Variants in COL22A1 observed in about 807,000 individuals in gnomAD.
COL22A1 encodes collagen alpha-1(XXII) chain.
Under a neutral mutation model 248.9 loss-of-function variants are expected in COL22A1, and 221 were observed. The observed-to-expected ratio is 0.89, with a 90% CI of 0.80 to 0.99. The LOEUF is 0.99. Among genes scored for constraint, COL22A1 ranks in the 50% least tolerant of loss-of-function variants. The probability of loss-of-function intolerance (pLI) is 0.00; values close to 1 mark genes in which losing one functional copy is unlikely to be tolerated. For synonymous variants in COL22A1, 891 were observed against 793.4 expected, an observed-to-expected ratio of 1.12 and a Z score of -2.07; for missense variants, 2,240 against 2,179.0, an observed-to-expected ratio of 1.03 and a Z score of -0.56.
chr8:138,786,454 G>T (rs534006129), intron 12 of COL22A1, among the ~76,000 whole-genome samples: 1 of 152,128 alleles, frequency 6.6e-6, no homozygotes, highest in Non-Finnish European at 1.5e-5. Flanking sequence ...TGAAAACTTT[G>T]CCCCAAGAGA....
chr8:138,665,375 A>G (rs944988053), intron 41 of COL22A1, among the ~76,000 whole-genome samples: 1 of 152,234 alleles, frequency 6.6e-6, no homozygotes, highest in African/African-American at 2.4e-5. Flanking sequence ...TTTTCTGTAA[A>G]GGGACAGATA....
At position 138,591,402 on chromosome 8, in the gene COL22A1, G is replaced by A. The variant is rs764361711; in HGVS notation, c.4693+22C>T. ...CCAGGGTAGCTCACACCCTACCCCTGAGACTGCAGAATGAGTCATACCTGG... is the reference window on the plus strand; with the variant it reads ...CCAGGGTAGCTCACACCCTACCCCTAAGACTGCAGAATGAGTCATACCTGG... On this transcript the variant is annotated intron_variant, in intron 64 of 64. Coordinates refer to ENST00000303045, the MANE Select transcript of COL22A1 (RefSeq NM_152888.3). 1.2e-5 allele frequency: 19 copies of A among 1,558,008 alleles called. No individual in the cohort carries two copies. In the East Asian group the frequency reaches 3.9e-4, roughly 32 times the overall value.
intron 16 of COL22A1, among the ~76,000 whole-genome samples, chr8:138,773,278 T>C (rs1834544969): frequency 6.6e-6 from 1 of 152,138 alleles, no homozygotes; most frequent in Non-Finnish European, 1.5e-5. Context: ...AGCCACCGCC[T>C]TCCCAGGCTG....
intron 4 of COL22A1, among the ~76,000 whole-genome samples, chr8:138,835,428 G>A (rs1025712909): frequency 6.6e-6 from 1 of 152,210 alleles, no homozygotes; most frequent in South Asian, 2.1e-4. Flanking sequence ...GTTTGTGGGA[G>A]GGAACAGGCA....
intron 45 of COL22A1, among the ~76,000 whole-genome samples, chr8:138,655,401 C>A (rs539082707): frequency 6.6e-6 from 1 of 152,278 alleles, no homozygotes; most frequent in African/African-American, 2.4e-5. Context: ...CTCTGTCACC[C>A]AGGCTGGAGT....
intron 1 of COL22A1, among the ~76,000 whole-genome samples, chr8:138,893,036 G>C (rs1465231747): frequency 2.0e-5 from 3 of 152,196 alleles, no homozygotes; most frequent in Non-Finnish European, 4.4e-5. Flanking sequence ...CTGCTGAGCT[G>C]TCTGTGATGC....
At chr8:138,616,158 G>C (rs1416937637) in intron 54 of COL22A1, 104 bp from the exon 55 acceptor site, 2 of 948,040 alleles carry the variant, frequency 2.1e-6, no homozygotes, top group African/African-American at 1.6e-5. Context: ...GAGGCCCAGG[G>C]GCCCTGTCAA....
chr8:138,848,725 T>C (rs556545759), intron 3 of COL22A1, among the ~76,000 whole-genome samples: 1 of 152,352 alleles, frequency 6.6e-6, no homozygotes, highest in Admixed American at 6.5e-5. Context: ...AGGTAGATTT[T>C]CTTCCCATTA....
Position 138,821,209 on chromosome 8 carries a change from T to C in COL22A1, c.1172A>G (p.Glu391Gly). Residue 391 changes from glutamate to glycine, a missense_variant, in exon 7 of 65, where the codon GAG becomes GGG. Glu to Gly is a moderately conservative substitution (Grantham distance 98). Coordinates refer to ENST00000303045, the MANE Select transcript of COL22A1 (RefSeq NM_152888.3). The stretch of plus-strand genomic sequence containing the variant: ...CTGGATGTCAATGTTCTCCCGTTCC[T>C]CGATGGGTAGTGTCTGCACCAGCGC... ...DCALVQTLPI[E>G]ERENIDIQGK... 1 of 1,614,178 alleles carries C rather than the reference T, an allele frequency of 6.2e-7. No homozygotes were observed. Among genetic ancestry groups the C allele is most frequent in the East Asian group, 2.2e-5 (1 of 44,878 alleles).
At chr8:138,746,064 T>A (rs1832081254) in intron 22 of COL22A1, among the ~76,000 whole-genome samples, 1 of 152,258 alleles carries the variant, frequency 6.6e-6, no homozygotes, top group Non-Finnish European at 1.5e-5. Context: ...GGAGCGTGCC[T>A]CGCTCTCAAT....
At chr8:138,838,389 C>T (rs1820596474) in intron 4 of COL22A1, among the ~76,000 whole-genome samples, 1 of 152,078 alleles carries the variant, frequency 6.6e-6, no homozygotes, top group Non-Finnish European at 1.5e-5. Context: ...TCTGGGCGGA[C>T]ACGTGCCTAC....
At chr8:138,660,515 T>C in intron 43 of COL22A1, 35 bp from the exon 44 acceptor site, 4 of 1,603,548 alleles carry the variant, frequency 2.5e-6, no homozygotes, top group Non-Finnish European at 3.4e-6. Context: ...TTAACTGTGA[T>C]AAGCACACGA....
chr8:138,793,987 G>A (rs894167132), intron 12 of COL22A1, among the ~76,000 whole-genome samples: 17 of 152,270 alleles, frequency 1.1e-4, no homozygotes, highest in Middle Eastern at 3.4e-3. Context: ...TCTGACCTCC[G>A]GACCCCGGAA....
intron 10 of COL22A1, among the ~76,000 whole-genome samples, chr8:138,804,475 T>C (rs1303647971): frequency 2.0e-5 from 3 of 152,170 alleles, no homozygotes; most frequent in Non-Finnish European, 4.4e-5. Context: ...TAAACAGCCC[T>C]TGCTTCACAC....
chr8:138,725,870 G>A (rs560553016), intron 23 of COL22A1, among the ~76,000 whole-genome samples: 7 of 152,036 alleles, frequency 4.6e-5, no homozygotes, highest in Admixed American at 1.3e-4. Context: ...CAGGGCTGGC[G>A]CCAGGATCAG....
At chr8:138,861,255 C>T (rs549784098) in intron 3 of COL22A1, among the ~76,000 whole-genome samples, 2 of 152,306 alleles carry the variant, frequency 1.3e-5, no homozygotes, top group South Asian at 2.1e-4. Context: ...TAGATCTCCA[C>T]TCACCGCTTC....
intron 56 of COL22A1, among the ~76,000 whole-genome samples, chr8:138,609,572 C>T (rs1286794777): frequency 3.9e-4 from 59 of 152,188 alleles, no homozygotes; most frequent in Admixed American, 3.8e-3. Context: ...TCGGCCCTTC[C>T]GCGAACGCTG....
chr8:138,695,619 C>A (rs4073002), intron 32 of COL22A1, among the ~76,000 whole-genome samples: 131,340 of 151,912 alleles, frequency 0.86, 57,092 homozygotes, highest in Non-Finnish European at 0.91. Flanking sequence ...GTGTGTCTAA[C>A]TTTTGCTGAA....
intron 55 of COL22A1, among the ~76,000 whole-genome samples, chr8:138,614,826 G>C (rs10094887): frequency 6.6e-6 from 1 of 151,974 alleles, no homozygotes; most frequent in South Asian, 2.1e-4. Flanking sequence ...TGTGAACTAG[G>C]TCAGATTTCT....
Sources: gnomAD v4.1 joint callset for allele counts (sites outside exome capture counted in the v4.1 genomes callset) on GRCh38, gnomAD v4.1.1 for gene constraint, MANE v1.5 for transcripts, NCBI Gene and HGNC (gene_info 2026-07-23, HGNC 2026-07-21) for gene names.